The following PTPN12 variants were observed in gnomAD, a reference collection of about 807,000 sequenced individuals.
PTPN12 encodes tyrosine-protein phosphatase non-receptor type 12.
PTPN12 carries 29 observed loss-of-function variants against 97.6 expected under a neutral mutation model. That is an observed-to-expected ratio of 0.30 (90% confidence interval 0.22 to 0.41). The LOEUF is 0.41. Ranked by LOEUF, PTPN12 falls within the 10% of genes least tolerant of loss-of-function variation. The pLI is 1.00. For synonymous variants in PTPN12, 327 were observed against 300.4 expected, an observed-to-expected ratio of 1.09 and a Z score of -0.91; for missense variants, 819 against 926.0, an observed-to-expected ratio of 0.88 and a Z score of 1.50.
chr7:77,608,845 A>G (rs1788462548), intron 9 of PTPN12, among the ~76,000 whole-genome samples: 1 of 152,230 alleles, frequency 6.6e-6, no homozygotes, highest in Non-Finnish European at 1.5e-5. Flanking sequence ...TTTTAACATA[A>G]AAGTCAAAGA....
At chr7:77,603,747 C>CT (rs1260628244) in intron 8 of PTPN12, among the ~76,000 whole-genome samples, 1 of 152,114 alleles carries the variant, frequency 6.6e-6, no homozygotes, top group Non-Finnish European at 1.5e-5. Context: ...AGGACATAAA[C>CT]TTTTAAAGTA....
intron 1 of PTPN12, among the ~76,000 whole-genome samples, chr7:77,548,422 C>T (rs1164764389): frequency 6.6e-6 from 1 of 152,146 alleles, no homozygotes; most frequent in African/African-American, 2.4e-5. Flanking sequence ...CTCTAGACAC[C>T]TTCTTCCCCA....
intron 5 of PTPN12, among the ~76,000 whole-genome samples, chr7:77,588,622 G>A (rs1295010189): frequency 6.6e-6 from 1 of 152,156 alleles, no homozygotes; most frequent in Admixed American, 6.5e-5. Flanking sequence ...GTGCAGGGTT[G>A]CCACAAAACT....
At position 77,559,393 on chromosome 7, in the gene PTPN12, G is replaced by GT. The variant is rs570713639; in HGVS notation, c.100-11679dup. On this transcript the variant is annotated intron_variant, in intron 1 of 17. Transcript: ENST00000248594. ...TATGTTGGATCAGTTGATATGCTGA[G>GT]TTTTTTACATGTGTGTATTATCTAA... 1.9e-3 allele frequency among the ~76,000 whole-genome samples: 295 copies of GT among 152,238 alleles called. 1 individual carries two copies. The highest frequency in any genetic ancestry group is 6.3e-3 in the African/African-American group (260 of 41,550).
At chr7:77,583,066 T>C (rs1476461370) in intron 3 of PTPN12, among the ~76,000 whole-genome samples, 1 of 152,312 alleles carries the variant, frequency 6.6e-6, no homozygotes, top group East Asian at 1.9e-4. Context: ...GTCAGTGACA[T>C]TGTTTGGTTT....
chr7:77,564,754 T>C (rs10278265), intron 1 of PTPN12, among the ~76,000 whole-genome samples: 3 of 61,296 alleles, frequency 4.9e-5, no homozygotes, highest in Non-Finnish European at 9.0e-5. Context: ...GTGTTTTTTT[T>C]TTTTTTTTTT....
At chr7:77,637,944 AATTTTTTTTTTTT>A (rs1387186717) in intron 16 of PTPN12, among the ~76,000 whole-genome samples, 38 of 89,500 alleles carry the variant, frequency 4.2e-4, no homozygotes, top group Middle Eastern at 0.011. Flanking sequence ...GATTTCTTAA[AATTTTTTTTTTTT>A]TTTTTTTTTT....
At chr7:77,598,035 C>G in intron 7 of PTPN12, 134 bp downstream of exon 7, 2 of 1,191,596 alleles carry the variant, frequency 1.7e-6, no homozygotes, top group Non-Finnish European at 2.2e-6. Flanking sequence ...CAAGACTAGC[C>G]TGGGCAACAT....
rs1224890430 is a variant in PTPN12 at position 77,612,030 on chromosome 7, TATG to T, written c.939+987_939+989del. Reference sequence around the variant, plus strand: ...TTGTTTACATCTTTGTCATTGAGTCTATGATAACTATTACATTGTTAAACCAAG... The same window carrying T: ...TTGTTTACATCTTTGTCATTGAGTCTATAACTATTACATTGTTAAACCAAG... On this transcript the variant is annotated intron_variant, in intron 11 of 17. Coordinates refer to ENST00000248594, the MANE Select transcript of PTPN12 (RefSeq NM_002835.4). Among the ~76,000 whole-genome samples, 3 of 151,920 alleles carry T rather than the reference TATG, an allele frequency of 2.0e-5. No individual in the cohort carries two copies. In the East Asian group the frequency reaches 5.8e-4, roughly 29 times the overall value.
intron 9 of PTPN12, among the ~76,000 whole-genome samples, chr7:77,608,424 C>G (rs529669795): frequency 2.0e-5 from 3 of 152,140 alleles, no homozygotes; most frequent in Non-Finnish European, 2.9e-5. Flanking sequence ...GTGTTTGATA[C>G]TGTGGATGAT....
chr7:77,556,971 T>C (rs922863595), intron 1 of PTPN12, among the ~76,000 whole-genome samples: 1 of 142,088 alleles, frequency 7.0e-6, no homozygotes, highest in Admixed American at 7.0e-5. Context: ...TTTGTTTGTT[T>C]TTGTTTGTTT....
intron 15 of PTPN12, 30 bp downstream of exon 15, chr7:77,635,879 A>G (rs1789572078): frequency 1.4e-6 from 2 of 1,463,928 alleles, no homozygotes; most frequent in Non-Finnish European, 1.9e-6. Flanking sequence ...GAACAGTTAT[A>G]GCTTAACATT....
intron 5 of PTPN12, among the ~76,000 whole-genome samples, chr7:77,587,902 G>T (rs1787743928): frequency 6.6e-6 from 1 of 152,182 alleles, no homozygotes; most frequent in Admixed American, 6.5e-5. Context: ...TCGTGAACCA[G>T]CCTTTGCTAG....
chr7:77,577,151 T>C (rs1787369244), intron 2 of PTPN12, among the ~76,000 whole-genome samples: 1 of 152,204 alleles, frequency 6.6e-6, no homozygotes, highest in African/African-American at 2.4e-5. Context: ...TTCAGCCTTG[T>C]TGCTCACCGC....
chr7:77,553,632 T>C (rs1298438244), intron 1 of PTPN12, among the ~76,000 whole-genome samples: 1 of 152,238 alleles, frequency 6.6e-6, no homozygotes, highest in African/African-American at 2.4e-5. Context: ...TTAGCTGATA[T>C]ATTTTTTTCC....
Position 77,636,862 on chromosome 7 carries a change from T to G in PTPN12, c.2143-156T>G, listed in dbSNP as rs1320227324. 3.8e-5 allele frequency: 21 copies of G among 547,174 alleles called. No homozygotes were observed. In the South Asian group the frequency reaches 5.2e-4, roughly 14 times the overall value. 33.9% of individuals were successfully genotyped at this position (547,174 alleles called of 1,614,324 possible). ...AGAAATAGCATAACATTTTAAAATT[T>G]TAAGCCTAATTAAAAAACAATTGTT... On this transcript the variant is annotated intron_variant, in intron 15 of 17. Coordinates refer to ENST00000248594, the MANE Select transcript of PTPN12 (RefSeq NM_002835.4).
chr7:77,561,199 A>G (rs1180216237), intron 1 of PTPN12, among the ~76,000 whole-genome samples: 1 of 152,114 alleles, frequency 6.6e-6, no homozygotes, highest in Non-Finnish European at 1.5e-5. Context: ...TGCTTGGGTT[A>G]TAGTTATGAG....
chr7:77,632,140 T>C (rs923377846), intron 13 of PTPN12, among the ~76,000 whole-genome samples: 1 of 152,218 alleles, frequency 6.6e-6, no homozygotes, highest in African/African-American at 2.4e-5. Flanking sequence ...AGGAAAGTCA[T>C]GGGAGAGAGT....
chr7:77,556,192 C>CT (rs1339575320), intron 1 of PTPN12, among the ~76,000 whole-genome samples: 1 of 152,086 alleles, frequency 6.6e-6, no homozygotes, highest in Non-Finnish European at 1.5e-5. Context: ...TCCCCAGTAG[C>CT]TGGGATCACA....
Sources: allele counts gnomAD v4.1 joint callset (sites outside exome capture counted in the v4.1 genomes callset), GRCh38; gene constraint gnomAD v4.1.1; transcripts MANE v1.5; gene names NCBI Gene and HGNC (gene_info 2026-07-23, HGNC 2026-07-21).